The following KCMF1 variants were observed in gnomAD, a reference collection of about 807,000 sequenced individuals.
KCMF1 encodes E3 ubiquitin-protein ligase KCMF1.
A neutral mutation model predicts 41.1 loss-of-function variants in KCMF1; 3 were observed. The observed-to-expected ratio is 0.07, with a 90% CI of 0.03 to 0.19. The LOEUF (loss-of-function observed/expected upper bound fraction) is 0.19. Ranked by LOEUF, KCMF1 falls within the 10% of genes least tolerant of loss-of-function variation. The pLI is 1.00. For synonymous variants in KCMF1, 142 were observed against 164.5 expected, an observed-to-expected ratio of 0.86 and a Z score of 1.04; for missense variants, 286 against 488.9, an observed-to-expected ratio of 0.58 and a Z score of 3.91.
intron 1 of KCMF1, among the ~76,000 whole-genome samples, chr2:85,010,367 G>A (rs1048998871): frequency 3.3e-5 from 5 of 152,154 alleles, no homozygotes; most frequent in Admixed American, 6.5e-5. Context: ...TACTTGGGTG[G>A]CTGAGGCATG....
rs1475370919 is a variant in KCMF1, at chr2:85,026,820, G to A, written c.17-1069G>A. Among the ~76,000 whole-genome samples the A allele has an allele frequency of 2.0e-5, 3 of 152,116 alleles. No homozygotes were observed. The East Asian group carries it at 5.8e-4, about 29-fold the overall frequency. ...TTTAACAGGTCAAGAATTATTTGATGCCCCAATTCTGATATGAACTCATGA... is the reference window on the plus strand; with the variant it reads ...TTTAACAGGTCAAGAATTATTTGATACCCCAATTCTGATATGAACTCATGA... On this transcript the variant is annotated intron_variant, in intron 1 of 6. Coordinates refer to ENST00000409785, the MANE Select transcript of KCMF1 (RefSeq NM_020122.5).
chr2:85,053,320 G>A lies in KCMF1; in HGVS notation c.1057G>A (p.Val353Ile), dbSNP rs764350048. The A allele has an allele frequency of 3.1e-6, 5 of 1,613,802 alleles. No individual in the cohort carries two copies. Among genetic ancestry groups the A allele is most frequent in the Non-Finnish European group, 2.5e-6 (3 of 1,179,876 alleles). Residue 353 changes from valine to isoleucine, a missense_variant, in exon 7 of 7, where the codon GTA (valine) becomes ATA (isoleucine). Val to Ile is a conservative substitution (Grantham distance 29). This residue lies in a region of KCMF1 where 191 missense variants were observed against 279.3 expected (regional missense o/e 0.68). Transcript: ENST00000409785. The part of the protein sequence containing the change: ...EMADFGAMGC[V>I]DIMPLDVALE... Reference sequence around the variant, plus strand: ...GGCAGATTTTGGTGCTATGGGCTGTGTAGATATTATGCCTTTAGATGTTGC... The same window carrying A: ...GGCAGATTTTGGTGCTATGGGCTGTATAGATATTATGCCTTTAGATGTTGC...
At chr2:85,026,018 T>A (rs1675094869) in intron 1 of KCMF1, among the ~76,000 whole-genome samples, 1 of 151,776 alleles carries the variant, frequency 6.6e-6, no homozygotes, top group Non-Finnish European at 1.5e-5. Context: ...AAAGACAGAG[T>A]CTCACTCTGT....
intron 1 of KCMF1, among the ~76,000 whole-genome samples, chr2:84,981,425 G>A (rs971156310): frequency 2.6e-5 from 4 of 152,052 alleles, no homozygotes; most frequent in South Asian, 2.1e-4. Context: ...TCCTGACCTC[G>A]TGATCCACCC....
intron 1 of KCMF1, among the ~76,000 whole-genome samples, chr2:84,977,254 T>C (rs1226516919): frequency 6.6e-6 from 1 of 152,182 alleles, no homozygotes; most frequent in Admixed American, 6.5e-5. Context: ...GTTTTGGGAT[T>C]TGGGGACTGC....
chr2:85,015,845 C>T (rs886256910), intron 1 of KCMF1, among the ~76,000 whole-genome samples: 4 of 152,148 alleles, frequency 2.6e-5, no homozygotes, highest in African/African-American at 9.7e-5. Flanking sequence ...AGTGAAGGAA[C>T]TTGCTATTAA....
intron 1 of KCMF1, 40 bp from the exon 2 acceptor site, chr2:85,027,849 C>T (rs1397917482): frequency 1.8e-5 from 25 of 1,364,022 alleles, no homozygotes; most frequent in Non-Finnish European, 2.4e-5. Flanking sequence ...CAAGAGTGGC[C>T]TTTACAACTG....
intron 1 of KCMF1, among the ~76,000 whole-genome samples, chr2:85,022,822 A>G (rs960969133): frequency 6.6e-6 from 1 of 150,504 alleles, no homozygotes; most frequent in Non-Finnish European, 1.5e-5. Flanking sequence ...TTCCTTTTAT[A>G]GTTTTACTAC....
chr2:84,987,293 C>T (rs1440499567), intron 1 of KCMF1, among the ~76,000 whole-genome samples: 1 of 152,162 alleles, frequency 6.6e-6, no homozygotes, highest in Non-Finnish European at 1.5e-5. Flanking sequence ...ATTGGTATCA[C>T]TGAAGCAGAT....
At chr2:84,972,450 G>A (rs897955518) in intron 1 of KCMF1, among the ~76,000 whole-genome samples, 11 of 152,082 alleles carry the variant, frequency 7.2e-5, no homozygotes, top group African/African-American at 2.7e-4. Flanking sequence ...AGGAGGAGGG[G>A]GTTGTGTTTT....
chr2:84,991,311 G>A (rs562274707), intron 1 of KCMF1, among the ~76,000 whole-genome samples: 11 of 152,196 alleles, frequency 7.2e-5, no homozygotes, highest in African/African-American at 1.7e-4. Flanking sequence ...TGTTTCAGGC[G>A]TAAATTAGGG....
intron 3 of KCMF1, among the ~76,000 whole-genome samples, chr2:85,038,133 G>A (rs571277742): frequency 1.3e-5 from 2 of 152,302 alleles, no homozygotes; most frequent in African/African-American, 2.4e-5. Context: ...CTCTTTAGAA[G>A]CCAGTGACAA....
chr2:84,994,565 A>C (rs1169698644), intron 1 of KCMF1, among the ~76,000 whole-genome samples: 2 of 152,062 alleles, frequency 1.3e-5, no homozygotes, highest in Non-Finnish European at 2.9e-5. Context: ...CGCCACACCC[A>C]GCTAATTTTG....
At chr2:84,988,420 A>G (rs1350963932) in intron 1 of KCMF1, among the ~76,000 whole-genome samples, 2 of 152,340 alleles carry the variant, frequency 1.3e-5, no homozygotes, top group African/African-American at 2.4e-5. Context: ...AAACAGTCCT[A>G]TGAGATATGT....
intron 1 of KCMF1, among the ~76,000 whole-genome samples, chr2:84,976,381 A>G (rs1673544844): frequency 6.6e-6 from 1 of 151,436 alleles, no homozygotes; most frequent in South Asian, 2.1e-4. Context: ...TAATTTTTCT[A>G]TTTTTAGTGG....
At chr2:85,003,023 T>G (rs140717381) in intron 1 of KCMF1, among the ~76,000 whole-genome samples, 5 of 152,338 alleles carry the variant, frequency 3.3e-5, no homozygotes, top group African/African-American at 1.2e-4. Context: ...ATTAATGCAA[T>G]CTAAGCTTGC....
At chr2:85,039,819 T>C (rs1160391768) in intron 3 of KCMF1, among the ~76,000 whole-genome samples, 1 of 150,888 alleles carries the variant, frequency 6.6e-6, no homozygotes, top group African/African-American at 2.4e-5. Context: ...TGTTTTTTCC[T>C]TTTTTTTTGG....
intron 1 of KCMF1, 105 bp downstream of exon 1, chr2:84,971,572 A>G: frequency 1.8e-6 from 1 of 565,400 alleles, no homozygotes; most frequent in Non-Finnish European, 2.4e-6. Flanking sequence ...ACTTTGGCCG[A>G]GCCCGAGCCG....
At chr2:85,023,334 T>TG (rs11435850) in intron 1 of KCMF1, among the ~76,000 whole-genome samples, 1 of 150,018 alleles carries the variant, frequency 6.7e-6, no homozygotes, top group Non-Finnish European at 1.5e-5. Flanking sequence ...TTTTTTTTTT[T>TG]GAGACGGAGT....
Sources: allele counts gnomAD v4.1 joint callset (sites outside exome capture counted in the v4.1 genomes callset), GRCh38; gene constraint gnomAD v4.1.1; regional missense constraint gnomAD v4.1.1; transcripts MANE v1.5; gene names NCBI Gene and HGNC (gene_info 2026-07-23, HGNC 2026-07-21).